Variants in EYA4 observed in about 807,000 individuals in gnomAD.
EYA4 encodes protein phosphatase EYA4.
Under a neutral mutation model 87.9 loss-of-function variants are expected in EYA4, and 31 were observed. That is an observed-to-expected ratio of 0.35 (90% CI 0.27 to 0.48). The LOEUF is 0.48. Among genes scored for constraint, EYA4 ranks in the 20% least tolerant of loss-of-function variants. The pLI is 0.99. For missense variants in EYA4, 678 were observed against 761.4 expected, an observed-to-expected ratio of 0.89 and a Z score of 1.29; for synonymous variants, 263 against 270.6, an observed-to-expected ratio of 0.97 and a Z score of 0.28.
chr6:133,485,312 A>G (rs1235037179), intron 13 of EYA4, among the ~76,000 whole-genome samples: 1 of 152,196 alleles, frequency 6.6e-6, no homozygotes, highest in Non-Finnish European at 1.5e-5. Context: ...AACCAAAAGA[A>G]GGAGAATACC....
At chr6:133,408,538 G>T (rs1431276705) in intron 3 of EYA4, among the ~76,000 whole-genome samples, 2 of 152,168 alleles carry the variant, frequency 1.3e-5, no homozygotes, top group South Asian at 2.1e-4. Context: ...AGAGGATGTA[G>T]ATTCTCGAGC....
chr6:133,434,564 A>G (rs1791481204), intron 3 of EYA4, among the ~76,000 whole-genome samples: 1 of 152,170 alleles, frequency 6.6e-6, no homozygotes, highest in Non-Finnish European at 1.5e-5. Flanking sequence ...ATGACTGGTA[A>G]ATGAGGCAGA....
intron 3 of EYA4, among the ~76,000 whole-genome samples, chr6:133,421,634 G>C (rs908215017): frequency 6.6e-6 from 1 of 152,170 alleles, no homozygotes. Flanking sequence ...TTCTGAAATT[G>C]AGAATTATAT....
At chr6:133,245,093 G>C (rs1232182737) in intron 1 of EYA4, 1 of 151,962 alleles carries the variant, frequency 6.6e-6, no homozygotes, top group Admixed American at 6.6e-5. Flanking sequence ...ATTTTTTTCT[G>C]TTAGGTAAAT....
chr6:133,290,697 G>T (rs1240659755), intron 2 of EYA4, among the ~76,000 whole-genome samples: 1 of 152,150 alleles, frequency 6.6e-6, no homozygotes, highest in Non-Finnish European at 1.5e-5. Context: ...TAGGTGGTAG[G>T]ACCTTTAGAG....
chr6:133,439,753 T>TA (rs1357216186), intron 3 of EYA4, among the ~76,000 whole-genome samples: 1 of 152,230 alleles, frequency 6.6e-6, no homozygotes, highest in African/African-American at 2.4e-5. Context: ...TTACTGTTTT[T>TA]AGCCCCTTCA....
At chr6:133,257,864 C>G in intron 1 of EYA4, among the ~76,000 whole-genome samples, 1 of 151,710 alleles carries the variant, frequency 6.6e-6, no homozygotes, top group Non-Finnish European at 1.5e-5. Context: ...TTCATTCATT[C>G]ATGCATGCAT....
rs1166157048 is a variant in EYA4 at position 133,468,639 on chromosome 6, A to G, written c.878A>G (p.Tyr293Cys). 3 of 1,612,666 alleles carry G rather than the reference A, an allele frequency of 1.9e-6. No individual in the cohort carries two copies. The highest frequency in any genetic ancestry group is 1.7e-4 in the Middle Eastern group (1 of 6,056). The change falls in exon 11 of 20, where the codon TAT (tyrosine) becomes TGT (cysteine). Residue 293 changes from tyrosine (Y) to cysteine (C), a missense_variant. Coordinates refer to ENST00000355286, the MANE Select transcript of EYA4 (RefSeq NM_004100.5). ...QYYSASTYGAYMTSNNTADGT... is the reference protein window; with the variant it reads ...QYYSASTYGACMTSNNTADGT... ...TATTCAGCATCAACGTATGGAGCGT[A>G]TATGACATCGAATAACACAGCCGAT...
intron 14 of EYA4, among the ~76,000 whole-genome samples, chr6:133,509,966 G>A (rs544348548): frequency 2.0e-5 from 3 of 152,220 alleles, no homozygotes; most frequent in African/African-American, 4.8e-5. Context: ...TCACTGGACC[G>A]TAATCCTCAG....
In EYA4 at chr6:133,481,648, G is replaced by A. The variant is rs373322486; in HGVS notation, c.1107+49G>A. 7.3e-5 allele frequency: 115 copies of A among 1,579,424 alleles called. 1 individual carries two copies. The highest frequency in any genetic ancestry group is 1.2e-4 in the South Asian group (11 of 90,314). On this transcript the variant is annotated intron_variant, in intron 12 of 19. Coordinates refer to ENST00000355286, the MANE Select transcript of EYA4 (RefSeq NM_004100.5). ...TTGTAGTGTGATGCTTTATTTTACC[G>A]AATGATACATTCTCTATCTTACAGT... is the stretch of plus-strand genomic sequence containing the variant.
At chr6:133,299,604 C>T (rs547681567) in intron 2 of EYA4, among the ~76,000 whole-genome samples, 10 of 151,394 alleles carry the variant, frequency 6.6e-5, no homozygotes, top group African/African-American at 1.5e-4. Context: ...CCCAGCTACT[C>T]GGGAGGCTGA....
At position 133,531,168 on chromosome 6, in the gene EYA4, C is replaced by A; in HGVS notation, c.*2363C>A. ...AGCCGGCTGGTTGCATCACCCCGTGCAGTTTCTCACACACATCTCTTTTTC... is the reference window on the plus strand; with the variant it reads ...AGCCGGCTGGTTGCATCACCCCGTGAAGTTTCTCACACACATCTCTTTTTC... On this transcript the variant is annotated 3_prime_UTR_variant, in exon 20 of 20. Coordinates refer to ENST00000355286, the MANE Select transcript of EYA4 (RefSeq NM_004100.5). 1 of 1,534,464 alleles carries A rather than the reference C, an allele frequency of 6.5e-7. No individual in the cohort carries two copies. Among genetic ancestry groups the A allele is most frequent in the Non-Finnish European group, 8.7e-7 (1 of 1,146,406 alleles).
intron 11 of EYA4, 131 bp downstream of exon 11, chr6:133,468,862 A>G (rs1056837973): frequency 4.6e-5 from 43 of 925,120 alleles, no homozygotes; most frequent in East Asian, 7.4e-5. Context: ...CTGTGTTAGC[A>G]TGACTGTGTA....
At chr6:133,443,481 T>G (rs1431082188) in intron 3 of EYA4, among the ~76,000 whole-genome samples, 4 of 151,986 alleles carry the variant, frequency 2.6e-5, no homozygotes, top group Non-Finnish European at 5.9e-5. Flanking sequence ...ATGATCATCT[T>G]TTGGATTTGT....
chr6:133,499,135 AT>A (rs1269823037), intron 13 of EYA4, among the ~76,000 whole-genome samples: 1 of 152,146 alleles, frequency 6.6e-6, no homozygotes, highest in African/African-American at 2.4e-5. Context: ...ATCTCAGTTG[AT>A]GATCATTTAA....
chr6:133,411,827 A>G (rs1454397859), intron 3 of EYA4, among the ~76,000 whole-genome samples: 1 of 152,204 alleles, frequency 6.6e-6, no homozygotes, highest in East Asian at 1.9e-4. Flanking sequence ...CATATTCCTG[A>G]TTTTCTTAGA....
In EYA4 at chr6:133,512,923, T is replaced by C; in HGVS notation, c.1386T>C (p.Ser462=). 6.2e-7 allele frequency: 1 copy of C among 1,614,164 alleles called. No individual in the cohort carries two copies. Among genetic ancestry groups the C allele is most frequent in the Non-Finnish European group, 8.5e-7 (1 of 1,180,008 alleles). The change falls in exon 16 of 20, where the codon AGT becomes AGC. Residue 462 remains serine (S), a synonymous_variant. Transcript: ENST00000355286. ...ATDGFHAAAS[S]ANLCLPTGVR... is the part of the protein sequence containing the mutation. Reference sequence around the variant, plus strand: ...ATGGCTTCCATGCAGCTGCAAGTAGTGCAAACCTTTGTTTGCCAACAGGTG... The same window carrying C: ...ATGGCTTCCATGCAGCTGCAAGTAGCGCAAACCTTTGTTTGCCAACAGGTG...
At chr6:133,293,200 A>G (rs1455288086) in intron 2 of EYA4, among the ~76,000 whole-genome samples, 1 of 152,114 alleles carries the variant, frequency 6.6e-6, no homozygotes, top group Non-Finnish European at 1.5e-5. Flanking sequence ...CTCACCATCC[A>G]ATGTATGCCC....
rs886061096 is a variant in EYA4, at chr6:133,531,465, T to C, written c.*2660T>C. On this transcript the variant is annotated 3_prime_UTR_variant, in exon 20 of 20. Transcript: ENST00000355286. ...CTATTGACATATGGAATATTGTGCC[T>C]TATTGTAAACCAGTTTGAAAAATGT... 12 of 491,056 alleles carry C rather than the reference T, an allele frequency of 2.4e-5. No homozygotes were observed. Among genetic ancestry groups the C allele is most frequent in the Non-Finnish European group, 4.3e-5 (12 of 277,284 alleles). 30.4% of individuals were successfully genotyped at this position (491,056 alleles called of 1,614,324 possible). A position where few individuals can be genotyped will look rare whatever the true frequency, so the allele number is the denominator to read the frequency against.
Sources: gnomAD v4.1 joint callset for allele counts (sites outside exome capture counted in the v4.1 genomes callset) on GRCh38, gnomAD v4.1.1 for gene constraint, MANE v1.5 for transcripts, NCBI Gene and HGNC (gene_info 2026-07-23, HGNC 2026-07-21) for gene names.